The following RACGAP1 variants were observed in gnomAD, a reference collection of about 807,000 sequenced individuals.
The protein encoded by RACGAP1 is rac GTPase-activating protein 1.
Under a neutral mutation model 78.1 loss-of-function variants are expected in RACGAP1, and 30 were observed. That is an observed-to-expected ratio of 0.38 (90% CI 0.29 to 0.52). RACGAP1 has a LOEUF of 0.52. RACGAP1 is among the 20% of genes least tolerant of loss of function. The pLI is 0.82. For missense variants in RACGAP1, 587 were observed against 777.1 expected, an observed-to-expected ratio of 0.76 and a Z score of 2.91; for synonymous variants, 231 against 264.8, an observed-to-expected ratio of 0.87 and a Z score of 1.24.
At chr12:49,990,577 T>C in intron 16 of RACGAP1, 107 bp downstream of exon 16, 2 of 943,648 alleles carry the variant, frequency 2.1e-6, no homozygotes, top group Admixed American at 4.7e-5. Flanking sequence ...TAAAGTCTAG[T>C]TGCTAGCTAA....
Position 50,014,991 on chromosome 12 carries a change from C to T in RACGAP1, c.85+1640G>A, listed in dbSNP as rs539199633. On this transcript the variant is annotated intron_variant, in intron 2 of 16. Coordinates refer to ENST00000312377, the MANE Select transcript of RACGAP1 (RefSeq NM_001319999.2). ...CAGGGAGGTGGAGGTTGCAGTGAGC[C>T]GAGACCACACCAGTGCACTCCAGCC... 1.0e-4 allele frequency among the ~76,000 whole-genome samples: 15 copies of T among 146,916 alleles called. No homozygotes were observed. The East Asian group carries it at 1.6e-3, about 16-fold the overall frequency.
chr12:50,018,625 T>A, intron 1 of RACGAP1: 1 of 1,137,212 alleles, frequency 8.8e-7, no homozygotes, highest in Non-Finnish European at 1.2e-6. Context: ...TCAGTAGTTT[T>A]AATATAAGGT....
At chr12:50,030,276 G>A (rs144327412), upstream of RACGAP1, among the ~76,000 whole-genome samples, 1,564 of 151,320 alleles carry the variant, frequency 0.01, 11 homozygotes, top group Non-Finnish European at 0.017. Flanking sequence ...TTGAGCCCAG[G>A]GGTTCAAGGC....
intron 2 of RACGAP1, among the ~76,000 whole-genome samples, chr12:50,009,648 A>C: frequency 6.6e-6 from 1 of 152,190 alleles, no homozygotes; most frequent in East Asian, 1.9e-4. Context: ...CAAATGAATG[A>C]ATGAAAAGCC....
At position 49,992,445 on chromosome 12, in the gene RACGAP1, A is replaced by G. The variant is rs1040602842; in HGVS notation, c.1446-68T>C. 40 of 1,588,084 alleles carry G rather than the reference A, an allele frequency of 2.5e-5. No homozygotes were observed. In the African/African-American group the frequency reaches 3.7e-4, roughly 15 times the overall value. ...AAATGCAGACCAAAATATAAATTCT[A>G]TAAGAAAACAATTCATCCCTCATAC... On this transcript the variant is annotated intron_variant, in intron 13 of 16. Coordinates refer to ENST00000312377, the MANE Select transcript of RACGAP1 (RefSeq NM_001319999.2).
chr12:49,996,515 C>T (rs188255281), intron 10 of RACGAP1, among the ~76,000 whole-genome samples: 3 of 150,778 alleles, frequency 2.0e-5, no homozygotes, highest in South Asian at 4.2e-4. Flanking sequence ...TGGTACATGC[C>T]TGTAATTCCA....
chr12:50,030,546 G>C (rs745856502), intron 2 of RACGAP1, among the ~76,000 whole-genome samples: 1 of 151,330 alleles, frequency 6.6e-6, no homozygotes, highest in Non-Finnish European at 1.5e-5. Flanking sequence ...AAAATCAGTC[G>C]GGCGTCGTGG....
chr12:50,002,485 C>A, intron 5 of RACGAP1, 185 bp from the exon 6 acceptor site: 1 of 387,332 alleles, frequency 2.6e-6, no homozygotes, highest in East Asian at 3.8e-5. Context: ...AGTTAATGTG[C>A]TTTCTTTGAA....
At chr12:50,032,563 G>GTGTGTGTGTGTGTT (rs1168688658) in intron 1 of RACGAP1, among the ~76,000 whole-genome samples, 2 of 152,094 alleles carry the variant, frequency 1.3e-5, no homozygotes, top group African/African-American at 4.8e-5. Flanking sequence ...GTGTGTGTGT[G>GTGTGTGTGTGTGTT]TGTGAAGCGG....
intron 7 of RACGAP1, among the ~76,000 whole-genome samples, chr12:50,000,556 C>T (rs548160208): frequency 1.3e-5 from 2 of 151,810 alleles, no homozygotes; most frequent in African/African-American, 4.8e-5. Context: ...TCACTTGAGC[C>T]CCGCAGTTCG....
chr12:50,028,932 G>A (rs1950304991), upstream of RACGAP1, among the ~76,000 whole-genome samples: 1 of 150,486 alleles, frequency 6.6e-6, no homozygotes, highest in Non-Finnish European at 1.5e-5. Context: ...CAACACAAAA[G>A]TTAGGCCGGG....
At chr12:50,005,114 C>T in intron 4 of RACGAP1, 142 bp downstream of exon 4, 1 of 1,170,966 alleles carries the variant, frequency 8.5e-7, no homozygotes, top group Non-Finnish European at 1.2e-6. Context: ...GCCTTTATTC[C>T]CCACCTACTC....
chr12:50,011,699 T>C (rs1057336746), intron 2 of RACGAP1, among the ~76,000 whole-genome samples: 16 of 152,148 alleles, frequency 1.1e-4, no homozygotes, highest in Admixed American at 1.0e-3. Context: ...CTCATGCCTA[T>C]AAATCCAGCA....
At chr12:50,010,228 C>A (rs1326753851) in intron 2 of RACGAP1, among the ~76,000 whole-genome samples, 1 of 151,588 alleles carries the variant, frequency 6.6e-6, no homozygotes, top group Admixed American at 6.6e-5. Context: ...GAAAACAAGA[C>A]AACAAAATAT....
rs111243930 is a variant in RACGAP1 at position 49,993,841 on chromosome 12, C to T, written c.1339+290G>A. On this transcript the variant is annotated intron_variant, in intron 12 of 16. Transcript: ENST00000312377. ...GCAGGCAAATCACAGGGCAGGAGAT[C>T]GAGACCATCCTGGCTAACATGGTGA... Among the ~76,000 whole-genome samples the T allele has an allele frequency of 4.8e-3, 720 of 150,810 alleles. 5 individuals carry two copies. Among genetic ancestry groups the T allele is most frequent in the African/African-American group, 0.017 (695 of 41,054 alleles).
intron 10 of RACGAP1, among the ~76,000 whole-genome samples, chr12:49,996,019 A>G (rs73297439): frequency 0.072 from 11,008 of 152,238 alleles, 1,338 homozygotes; most frequent in African/African-American, 0.25. Flanking sequence ...TAAATCAAGA[A>G]CAGACATAAA....
intron 11 of RACGAP1, 41 bp downstream of exon 11, chr12:49,994,373 C>T: frequency 6.2e-7 from 1 of 1,612,928 alleles, no homozygotes; most frequent in Admixed American, 1.7e-5. Flanking sequence ...TCCGAATTAA[C>T]ACAAATAACA....
At chr12:50,027,628 C>A (rs997628288), upstream of RACGAP1, among the ~76,000 whole-genome samples, 10 of 152,228 alleles carry the variant, frequency 6.6e-5, no homozygotes, top group Admixed American at 5.9e-4. Flanking sequence ...GAGTTCGAGA[C>A]CAGCCTGGCC....
Position 50,016,571 on chromosome 12 carries a change from T to C in RACGAP1, c.85+60A>G. ...AAGATTGGAAAATACTTCAGCTTTG[T>C]AAAAATCCCAAATTTGAAATCTGTT... is the stretch of plus-strand genomic sequence containing the variant. On this transcript the variant is annotated intron_variant, in intron 2 of 16. Coordinates refer to ENST00000312377, the MANE Select transcript of RACGAP1 (RefSeq NM_001319999.2). 8 of 1,534,584 alleles carry C rather than the reference T, an allele frequency of 5.2e-6. No individual in the cohort carries two copies. In the Middle Eastern group the frequency reaches 5.1e-4, roughly 97 times the overall value.
Sources: gnomAD v4.1 joint callset for allele counts (sites outside exome capture counted in the v4.1 genomes callset) on GRCh38, gnomAD v4.1.1 for gene constraint, MANE v1.5 for transcripts, NCBI Gene and HGNC (gene_info 2026-07-23, HGNC 2026-07-21) for gene names.